Variants in ABCC1 observed in about 807,000 individuals in gnomAD.
ABCC1 encodes multidrug resistance-associated protein 1.
In ABCC1, 83 loss-of-function variants were observed where a neutral mutation model predicts 172.9. That is an observed-to-expected ratio of 0.48 (90% confidence interval 0.40 to 0.58). ABCC1 has a LOEUF of 0.58. Ranked by LOEUF, ABCC1 falls within the 20% of genes least tolerant of loss-of-function variation. The probability of loss-of-function intolerance (pLI) is 0.00; values close to 1 mark genes in which losing one functional copy is unlikely to be tolerated. For synonymous variants in ABCC1, 937 were observed against 825.2 expected (o/e 1.14, Z -2.32); for missense variants, 1,817 against 2,002.7 (o/e 0.91, Z 1.77).
intron 1 of ABCC1, among the ~76,000 whole-genome samples, chr16:15,982,109 C>T (rs943744428): frequency 6.6e-6 from 1 of 152,116 alleles, no homozygotes; most frequent in Non-Finnish European, 1.5e-5. Flanking sequence ...TCAATAAGTC[C>T]CTAGGAAGTT....
chr16:16,137,420 A>C (rs1046852997), intron 29 of ABCC1, among the ~76,000 whole-genome samples: 1 of 152,030 alleles, frequency 6.6e-6, no homozygotes, highest in Non-Finnish European at 1.5e-5. Flanking sequence ...TATTGCATCT[A>C]ACAGTATTCT....
chr16:16,129,188 A>G (rs2045573070), intron 26 of ABCC1, among the ~76,000 whole-genome samples: 1 of 152,030 alleles, frequency 6.6e-6, no homozygotes, highest in Non-Finnish European at 1.5e-5. Context: ...AGTGGAATCT[A>G]CCTGTTATCC....
intron 1 of ABCC1, among the ~76,000 whole-genome samples, chr16:15,999,241 A>G (rs1179021703): frequency 6.6e-6 from 1 of 151,972 alleles, no homozygotes; most frequent in Admixed American, 6.6e-5. Context: ...TCCTAACCTC[A>G]TGATTCTCCC....
intron 1 of ABCC1, among the ~76,000 whole-genome samples, chr16:15,961,552 A>G (rs943230604): frequency 6.6e-6 from 1 of 152,122 alleles, no homozygotes; most frequent in African/African-American, 2.4e-5. Context: ...GTTGTTGATG[A>G]TAGTTTCTTG....
intron 1 of ABCC1, among the ~76,000 whole-genome samples, chr16:16,004,033 T>C (rs1034041912): frequency 6.6e-6 from 1 of 151,600 alleles, no homozygotes; most frequent in East Asian, 1.9e-4. Context: ...GGTGGATGGA[T>C]GGATGGATGG....
At chr16:15,976,911 C>G (rs215049) in intron 1 of ABCC1, among the ~76,000 whole-genome samples, 96,867 of 152,092 alleles carry the variant, frequency 0.64, 31,509 homozygotes, top group South Asian at 0.72. Context: ...GACAGGGACT[C>G]GAGCCCAGAT....
intron 7 of ABCC1, among the ~76,000 whole-genome samples, chr16:16,038,821 C>T (rs752876395): frequency 2.0e-5 from 3 of 152,150 alleles, no homozygotes; most frequent in Non-Finnish European, 2.9e-5. Context: ...TCACCTGGCT[C>T]GGCTTCCTCT....
chr16:16,007,054 T>G (rs2047567185), intron 1 of ABCC1, among the ~76,000 whole-genome samples: 1 of 152,150 alleles, frequency 6.6e-6, no homozygotes, highest in Admixed American at 6.6e-5. Context: ...GACACAGGGC[T>G]CTTCGGTTAT....
chr16:16,115,746 A>G (rs951401956), intron 23 of ABCC1, among the ~76,000 whole-genome samples: 9 of 151,962 alleles, frequency 5.9e-5, no homozygotes, highest in African/African-American at 2.2e-4. Context: ...AATAAGATAG[A>G]CGTTTTCTTT....
At chr16:16,041,480 G>A (rs980621902) in intron 7 of ABCC1, among the ~76,000 whole-genome samples, 1 of 152,118 alleles carries the variant, frequency 6.6e-6, no homozygotes, top group Non-Finnish European at 1.5e-5. Flanking sequence ...TCAGCGTGGA[G>A]CCAGGGGATC....
chr16:16,069,169 AAAATAAATAAATAAATAAAT>A (rs56098532), intron 13 of ABCC1, among the ~76,000 whole-genome samples: 11 of 107,536 alleles, frequency 1.0e-4, no homozygotes, highest in African/African-American at 3.7e-4. Flanking sequence ...AAATAAAATA[AAAATAAATAAATAAATAAAT>A]AAATAAATAA....
intron 6 of ABCC1, among the ~76,000 whole-genome samples, 176 bp downstream of exon 6, chr16:16,033,346 G>A (rs1034167277): frequency 1.3e-5 from 2 of 152,168 alleles, no homozygotes; most frequent in Non-Finnish European, 2.9e-5. Flanking sequence ...AACTCTGTCC[G>A]GCAGTTCCGT....
chr16:15,995,917 C>T lies in ABCC1; in HGVS notation c.49-11899C>T, dbSNP rs918355175. Among the ~76,000 whole-genome samples, 7 of 151,912 alleles carry T rather than the reference C, an allele frequency of 4.6e-5. No individual in the cohort carries two copies. The East Asian group carries it at 1.3e-3, about 29-fold the overall frequency. On this transcript the variant is annotated intron_variant, in intron 1 of 30. Coordinates refer to ENST00000399410, the MANE Select transcript of ABCC1 (RefSeq NM_004996.4). ...CTCGAACTCCTGGGCTCAAGTGATCCTCCTGCCTCGGTCCCCCAAAGTGTT... is the reference window on the plus strand; with the variant it reads ...CTCGAACTCCTGGGCTCAAGTGATCTTCCTGCCTCGGTCCCCCAAAGTGTT...
intron 12 of ABCC1, among the ~76,000 whole-genome samples, chr16:16,059,882 G>A (rs1409165887): frequency 6.8e-6 from 1 of 147,812 alleles, no homozygotes; most frequent in Non-Finnish European, 1.5e-5. Context: ...GGTCATCCAA[G>A]CTTTTTGGGA....
chr16:16,094,331 G>C, intron 19 of ABCC1: 1 of 260,548 alleles, frequency 3.8e-6, no homozygotes, highest in Non-Finnish European at 7.8e-6. Context: ...GAAATTCAGT[G>C]CTCTTTTTGG....
intron 12 of ABCC1, among the ~76,000 whole-genome samples, chr16:16,057,810 C>T (rs1162244715): frequency 6.6e-6 from 1 of 152,092 alleles, no homozygotes; most frequent in Non-Finnish European, 1.5e-5. Context: ...GGGTCTCGCT[C>T]TGTCCCCCAG....
chr16:16,011,489 T>A (rs1755450816), intron 3 of ABCC1, among the ~76,000 whole-genome samples: 1 of 152,138 alleles, frequency 6.6e-6, no homozygotes, highest in Non-Finnish European at 1.5e-5. Context: ...TTTCATTTTT[T>A]AAATTTTAGA....
At chr16:16,008,180 C>T in intron 2 of ABCC1, among the ~76,000 whole-genome samples, 188 bp downstream of exon 2, 1 of 152,056 alleles carries the variant, frequency 6.6e-6, no homozygotes, top group East Asian at 1.9e-4. Context: ...AATCTTTGCT[C>T]TGCCGCTTAG....
intron 24 of ABCC1, among the ~76,000 whole-genome samples, chr16:16,124,558 C>A (rs2045351384): frequency 6.6e-6 from 1 of 152,184 alleles, no homozygotes; most frequent in Non-Finnish European, 1.5e-5. Context: ...CTGTTTTAAT[C>A]CATGGGTTTG....
Sources: allele counts gnomAD v4.1 joint callset (sites outside exome capture counted in the v4.1 genomes callset), GRCh38; gene constraint gnomAD v4.1.1; transcripts MANE v1.5; gene names NCBI Gene and HGNC (gene_info 2026-07-23, HGNC 2026-07-21).